The following SGSM2 variants were observed in gnomAD, a reference collection of about 807,000 sequenced individuals.
SGSM2 encodes RUN and TBC1 domain containing 1.
Under a neutral mutation model 126.6 loss-of-function variants are expected in SGSM2, and 89 were observed. That is an observed-to-expected ratio of 0.70 (90% confidence interval 0.59 to 0.84). SGSM2 has a LOEUF of 0.84. SGSM2 is among the 40% of genes least tolerant of loss of function. The pLI is 0.00. For missense variants in SGSM2, 1,404 were observed against 1,416.6 expected, an observed-to-expected ratio of 0.99 and a Z score of 0.14; for synonymous variants, 614 against 574.3, an observed-to-expected ratio of 1.07 and a Z score of -0.99.
In SGSM2 at chr17:2,362,209, C is replaced by G. The variant is rs745743071; in HGVS notation, c.397C>G (p.Arg133Gly). 6.2e-7 allele frequency: 1 copy of G among 1,613,624 alleles called. No individual in the cohort carries two copies. The highest frequency in any genetic ancestry group is 8.5e-7 in the Non-Finnish European group (1 of 1,179,878). The change falls in exon 4 of 24, where the codon CGC becomes GGC. Residue 133 changes from arginine (R) to glycine (G), a missense_variant. Coordinates refer to ENST00000268989, the MANE Select transcript of SGSM2 (RefSeq NM_014853.3). This position sits in a 1 kb window ranked among gnomAD's most constrained non-coding sequence, Gnocchi z 4.9. Reference sequence around the variant, plus strand: ...TCAGGCCTTGAAACACGTATGGGTACGCACGGCGCTCATCGAGAAAGTTCT... The same window carrying G: ...TCAGGCCTTGAAACACGTATGGGTAGGCACGGCGCTCATCGAGAAAGTTCT... ...SPQALKHVWVRTALIEKVLDK... is the reference protein window; with the variant it reads ...SPQALKHVWVGTALIEKVLDK...
At position 2,350,200 on chromosome 17, in the gene SGSM2, G is replaced by T. The variant is rs571663895; in HGVS notation, c.133+6580G>T. On this transcript the variant is annotated intron_variant, in intron 2 of 23. Transcript: ENST00000268989. ...GTCTCCCAAAGTGCTGGGATTACAG[G>T]TGTGAGCCACTGCATTTGGCCTAGA... Among the ~76,000 whole-genome samples the T allele has an allele frequency of 3.3e-5, 5 of 152,052 alleles. No homozygotes were observed. In the East Asian group the frequency reaches 7.8e-4, roughly 24 times the overall value.
rs1381218576 is a variant in SGSM2, at chr17:2,363,381, A to G, written c.673-84A>G. ...GAAGGACCCCTGGGGTCAGCTGGAG[A>G]GGGTCAGCATGGAAGCGTGAGGGTT... On this transcript the variant is annotated intron_variant, in intron 6 of 23. Coordinates refer to ENST00000268989, the MANE Select transcript of SGSM2 (RefSeq NM_014853.3). This position sits in a 1 kb window ranked among gnomAD's most constrained non-coding sequence, Gnocchi z 4.2. 3.2e-6 allele frequency: 5 copies of G among 1,584,212 alleles called. No homozygotes were observed. The Admixed American group carries it at 5.2e-5, about 16-fold the overall frequency.
At chr17:2,359,991 C>CT (rs1339753285) in intron 2 of SGSM2, among the ~76,000 whole-genome samples, 1 of 152,206 alleles carries the variant, frequency 6.6e-6, no homozygotes, top group East Asian at 1.9e-4. Context: ...CACACAAGAC[C>CT]TCCAGGGACC....
intron 2 of SGSM2, among the ~76,000 whole-genome samples, chr17:2,347,089 T>C (rs2064628882): frequency 6.6e-6 from 1 of 151,988 alleles, no homozygotes; most frequent in Admixed American, 6.6e-5. Context: ...AGAGAGACCC[T>C]GTCTCGTTTG....
At position 2,367,179 on chromosome 17, in the gene SGSM2, C is replaced by T. The variant is rs555733947; in HGVS notation, c.1289-92C>T. The stretch of plus-strand genomic sequence containing the variant: ...GTGCCCTGCAGATTCACGATGACCC[C>T]GGCCTCCATTCCACTCCCCTTAAGG... On this transcript the variant is annotated intron_variant, in intron 11 of 23. Coordinates refer to ENST00000268989, the MANE Select transcript of SGSM2 (RefSeq NM_014853.3). This position sits in a 1 kb window ranked among gnomAD's most constrained non-coding sequence, Gnocchi z 4.0. 24 of 1,407,100 alleles carry T rather than the reference C, an allele frequency of 1.7e-5. No homozygotes were observed. The highest frequency in any genetic ancestry group is 8.2e-5 in the South Asian group (6 of 73,274). The allele number at this position is 1,407,100 out of a possible 1,614,324, so 87.2% of individuals were successfully genotyped here. A position where few individuals can be genotyped will look rare whatever the true frequency, so the allele number is the denominator to read the frequency against.
At chr17:2,340,843 C>T (rs1021445090) in intron 1 of SGSM2, among the ~76,000 whole-genome samples, 5 of 152,170 alleles carry the variant, frequency 3.3e-5, no homozygotes, top group South Asian at 4.1e-4. Context: ...CTTGGCCTCC[C>T]AAAGTGCTGG....
intron 16 of SGSM2, 87 bp from the exon 17 acceptor site, chr17:2,373,244 G>C: frequency 6.5e-7 from 1 of 1,541,752 alleles, no homozygotes; most frequent in East Asian, 2.3e-5. Flanking sequence ...CTGAGACTCA[G>C]GACCCAAGGT....
chr17:2,365,198 T>A lies in SGSM2; in HGVS notation c.1162-17T>A. The A allele has an allele frequency of 6.2e-7, 1 of 1,604,674 alleles. No homozygotes were observed. The highest frequency in any genetic ancestry group is 8.5e-7 in the Non-Finnish European group (1 of 1,174,184). ...CTCTGCCCTATACAGCCCGACCACC[T>A]ACCCCTCCTTCCACAGGGGAAAGTG... On this transcript the variant is annotated splice_polypyrimidine_tract_variant and intron_variant, in intron 10 of 23. Transcript: ENST00000268989.
chr17:2,348,864 C>T (rs527947989), intron 2 of SGSM2, among the ~76,000 whole-genome samples: 12 of 152,210 alleles, frequency 7.9e-5, no homozygotes, highest in African/African-American at 2.9e-4. Flanking sequence ...TGGGTTCAGG[C>T]GATCCTCTCA....
At chr17:2,339,042 G>A (rs1348748143) in intron 1 of SGSM2, among the ~76,000 whole-genome samples, 1 of 151,762 alleles carries the variant, frequency 6.6e-6, no homozygotes. Flanking sequence ...CTGGGCGACA[G>A]AGTGAGACTC....
At chr17:2,377,167 G>T in intron 21 of SGSM2, 99 bp downstream of exon 21, 1 of 724,302 alleles carries the variant, frequency 1.4e-6, no homozygotes, top group Non-Finnish European at 2.3e-6. Context: ...ACTTGACATA[G>T]AAACTTAACT....
At chr17:2,378,945 CCAGCCTCAATCCCAGCCTCAGCCT>C in intron 22 of SGSM2, 67 bp from the exon 23 acceptor site, 2 of 1,426,478 alleles carry the variant, frequency 1.4e-6, no homozygotes, top group African/African-American at 1.4e-5. Context: ...AGCCTCAGCC[CCAGCCTCAATCCCAGCCTCAGCCT>C]CAATCCCAGC....
chr17:2,379,499 G>A lies in SGSM2; in HGVS notation c.3135G>A (p.Gln1045=). The A allele has an allele frequency of 6.2e-7, 1 of 1,613,156 alleles. No individual in the cohort carries two copies. Among genetic ancestry groups the A allele is most frequent in the East Asian group, 2.2e-5 (1 of 44,860 alleles). The part of the protein sequence containing the change: ...RIARDLVHKV[Q]MLIENK Reference sequence around the variant, plus strand: ...CCCGGGACCTCGTCCACAAGGTGCAGATGCTCATAGAGAACAAGTGAGCTG... The same window carrying A: ...CCCGGGACCTCGTCCACAAGGTGCAAATGCTCATAGAGAACAAGTGAGCTG... Residue 1045 remains glutamine (Q), a synonymous_variant, in exon 24 of 24, where the codon CAG becomes CAA. Coordinates refer to ENST00000268989, the MANE Select transcript of SGSM2 (RefSeq NM_014853.3).
chr17:2,358,639 G>T (rs2065176312), intron 2 of SGSM2, among the ~76,000 whole-genome samples: 1 of 152,066 alleles, frequency 6.6e-6, no homozygotes, highest in South Asian at 2.1e-4. Flanking sequence ...TTGAACCCAG[G>T]AGGCTGAGAC....
chr17:2,373,452 G>T lies in SGSM2; in HGVS notation c.2039G>T (p.Gly680Val). ...GCCACACGCACCAAGTTCTCCTCAG[G>T]CAGCAGCATCGACAGCCACGTGCAG... ...HPATRTKFSS[G>V]SSIDSHVQRL... Residue 680 changes from glycine to valine, a missense_variant, in exon 17 of 24, where the codon GGC becomes GTC. Physicochemically the swap from Gly to Val is moderately radical, Grantham distance 109. Transcript: ENST00000268989. 6.2e-7 allele frequency: 1 copy of T among 1,610,106 alleles called. No individual in the cohort carries two copies.
At chr17:2,342,844 G>A (rs1444421226) in intron 1 of SGSM2, among the ~76,000 whole-genome samples, 2 of 152,022 alleles carry the variant, frequency 1.3e-5, no homozygotes, top group Non-Finnish European at 2.9e-5. Flanking sequence ...GGGCGTGGTG[G>A]CATGCACCTG....
chr17:2,348,911 G>A (rs1294188581), intron 2 of SGSM2, among the ~76,000 whole-genome samples: 1 of 151,948 alleles, frequency 6.6e-6, no homozygotes, highest in Non-Finnish European at 1.5e-5. Context: ...ACAGGTCTAC[G>A]CGCCACCACA....
rs370406580 is a variant in SGSM2 at position 2,362,242 on chromosome 17, G to T, written c.430G>T (p.Val144Phe). ...TALIEKVLDK[V>F]VQYLAENCSK... The stretch of plus-strand genomic sequence containing the variant: ...GCTCATCGAGAAAGTTCTGGACAAG[G>T]TCGTGCAATACCTGGCGGAAAACTG... The change falls in exon 4 of 24, where the codon GTC (valine) becomes TTC (phenylalanine). Residue 144 changes from valine (V) to phenylalanine (F), a missense_variant. By Grantham distance (50) the Val-to-Phe change is conservative. Coordinates refer to ENST00000268989, the MANE Select transcript of SGSM2 (RefSeq NM_014853.3). This position sits in a 1 kb window ranked among gnomAD's most constrained non-coding sequence, Gnocchi z 4.9. 5.6e-6 allele frequency: 9 copies of T among 1,613,176 alleles called. No homozygotes were observed. The highest frequency in any genetic ancestry group is 3.3e-5 in the South Asian group (3 of 91,072).
In SGSM2 at chr17:2,367,535, C is replaced by A. The variant is rs1180663852; in HGVS notation, c.1423+130C>A. ...ACTTGCACCCAGGGCAGTTCCCTTC[C>A]ATCGGGGGCAGATCAGGGAGGGCAG... On this transcript the variant is annotated intron_variant, in intron 12 of 23. Coordinates refer to ENST00000268989, the MANE Select transcript of SGSM2 (RefSeq NM_014853.3). This position sits in a 1 kb window ranked among gnomAD's most constrained non-coding sequence, Gnocchi z 4.0. The A allele has an allele frequency of 9.6e-7, 1 of 1,037,286 alleles. No individual in the cohort carries two copies. Among genetic ancestry groups the A allele is most frequent in the Non-Finnish European group, 1.4e-6 (1 of 719,206 alleles). 64.3% of individuals were successfully genotyped at this position (1,037,286 alleles called of 1,614,324 possible). A position where few individuals can be genotyped will look rare whatever the true frequency, so the allele number is the denominator to read the frequency against.
Sources: gnomAD v4.1 joint callset for allele counts (sites outside exome capture counted in the v4.1 genomes callset) on GRCh38, gnomAD v4.1.1 for gene constraint, Gnocchi (gnomAD v3.1) non-coding constraint, MANE v1.5 for transcripts, NCBI Gene and HGNC (gene_info 2026-07-23, HGNC 2026-07-21) for gene names.